CNTNAP2: variants seen among roughly 807,000 people sequenced by gnomAD.
CNTNAP2 encodes contactin-associated protein-like 2.
In CNTNAP2, 98 loss-of-function variants were observed where a neutral mutation model predicts 155.2. The ratio of observed to expected loss-of-function variants is 0.63; its 90% CI spans 0.54 to 0.75. The LOEUF (loss-of-function observed/expected upper bound fraction) is 0.75. CNTNAP2 is among the 30% of genes least tolerant of loss of function. The pLI, the probability that CNTNAP2 is intolerant of heterozygous loss-of-function variation, is 0.00. For synonymous variants in CNTNAP2, 651 were observed against 631.2 expected, an observed-to-expected ratio of 1.03 and a Z score of -0.47; for missense variants, 1,727 against 1,688.1, an observed-to-expected ratio of 1.02 and a Z score of -0.40.
At chr7:147,089,999 T>C (rs1800366789) in intron 4 of CNTNAP2, among the ~76,000 whole-genome samples, 1 of 152,178 alleles carries the variant, frequency 6.6e-6, no homozygotes, top group Non-Finnish European at 1.5e-5. Flanking sequence ...CAGCTTTCAC[T>C]TTATGTCTCT....
chr7:147,805,150 C>A (rs1798069937), intron 13 of CNTNAP2, among the ~76,000 whole-genome samples: 1 of 151,632 alleles, frequency 6.6e-6, no homozygotes, highest in African/African-American at 2.4e-5. Flanking sequence ...TGGCTCACTG[C>A]AACCTCCACC....
chr7:146,151,509 G>A (rs1409444945), intron 1 of CNTNAP2, among the ~76,000 whole-genome samples: 2 of 148,868 alleles, frequency 1.3e-5, no homozygotes, highest in African/African-American at 4.9e-5. Context: ...TCCTGTGCCT[G>A]GATTATTTCC....
intron 1 of CNTNAP2, among the ~76,000 whole-genome samples, chr7:146,131,853 T>C (rs755190689): frequency 2.6e-4 from 40 of 152,256 alleles, no homozygotes; most frequent in East Asian, 5.8e-4. Flanking sequence ...CCCCATGCTG[T>C]TCTCGTGATA....
At chr7:147,655,365 C>T (rs766364166) in intron 13 of CNTNAP2, among the ~76,000 whole-genome samples, 3 of 152,130 alleles carry the variant, frequency 2.0e-5, no homozygotes, top group Non-Finnish European at 4.4e-5. Context: ...TCAGGTGATC[C>T]GCCCATCTTG....
chr7:146,842,610 A>T (rs989400779), intron 3 of CNTNAP2, among the ~76,000 whole-genome samples: 3 of 152,088 alleles, frequency 2.0e-5, no homozygotes, highest in Non-Finnish European at 4.4e-5. Context: ...ACTTACTATC[A>T]TGGCAGAAGG....
At chr7:147,797,163 G>A (rs947519237) in intron 13 of CNTNAP2, among the ~76,000 whole-genome samples, 42 of 152,066 alleles carry the variant, frequency 2.8e-4, no homozygotes, top group South Asian at 1.7e-3. Context: ...TATAATTCTC[G>A]TTGAGGGAAC....
chr7:147,822,178 C>T lies in CNTNAP2; in HGVS notation c.2099-81387C>T, dbSNP rs918808871. ...GAATATGATGGAAAGTGGATGGACTCTCTATTTTATACTCACCTCCCCACC... is the reference window on the plus strand; with the variant it reads ...GAATATGATGGAAAGTGGATGGACTTTCTATTTTATACTCACCTCCCCACC... On this transcript the variant is annotated intron_variant, in intron 13 of 23. Coordinates refer to ENST00000361727, the MANE Select transcript of CNTNAP2 (RefSeq NM_014141.6). Among the ~76,000 whole-genome samples the T allele has an allele frequency of 2.2e-4, 33 of 151,920 alleles. 1 individual carries two copies. Among genetic ancestry groups the T allele is most frequent in the Admixed American group, 2.2e-3 (33 of 15,244 alleles).
At chr7:148,066,906 C>T (rs187103410) in intron 15 of CNTNAP2, among the ~76,000 whole-genome samples, 210 of 152,164 alleles carry the variant, frequency 1.4e-3, no homozygotes, top group Middle Eastern at 6.8e-3. Flanking sequence ...AACTTTCCAG[C>T]GTATTTTTCA....
At chr7:147,890,668 A>C (rs1799674515) in intron 13 of CNTNAP2, among the ~76,000 whole-genome samples, 1 of 152,200 alleles carries the variant, frequency 6.6e-6, no homozygotes, top group African/African-American at 2.4e-5. Flanking sequence ...AGAAGAACAT[A>C]GAATACATTA....
chr7:146,862,484 CA>C (rs1179708812), intron 3 of CNTNAP2, among the ~76,000 whole-genome samples: 3 of 151,534 alleles, frequency 2.0e-5, no homozygotes, highest in Non-Finnish European at 2.9e-5. Context: ...CATCTGGGCA[CA>C]AAAAAACAAA....
intron 17 of CNTNAP2, among the ~76,000 whole-genome samples, chr7:148,170,084 G>C (rs1425172182): frequency 6.6e-6 from 1 of 152,200 alleles, no homozygotes; most frequent in South Asian, 2.1e-4. Flanking sequence ...GAAAAAGGCT[G>C]TTCCCTAAAA....
intron 13 of CNTNAP2, among the ~76,000 whole-genome samples, chr7:147,878,539 A>G: frequency 6.6e-6 from 1 of 152,090 alleles, no homozygotes; most frequent in East Asian, 1.9e-4. Flanking sequence ...TTTTCTCTGA[A>G]AACTCAAGTT....
intron 8 of CNTNAP2, among the ~76,000 whole-genome samples, chr7:147,208,264 ATTAG>A (rs1282335488): frequency 6.6e-6 from 1 of 152,036 alleles, no homozygotes; most frequent in Non-Finnish European, 1.5e-5. Context: ...TCTGTCTTCT[ATTAG>A]TTCTGTTTTG....
At chr7:146,134,500 G>A (rs530425891) in intron 1 of CNTNAP2, among the ~76,000 whole-genome samples, 4 of 151,662 alleles carry the variant, frequency 2.6e-5, no homozygotes, top group Admixed American at 2.6e-4. Context: ...GTTTTCAAAG[G>A]GAATGCTTCC....
intron 2 of CNTNAP2, among the ~76,000 whole-genome samples, chr7:146,785,241 T>C (rs1028063167): frequency 5.3e-5 from 8 of 152,168 alleles, no homozygotes; most frequent in African/African-American, 1.9e-4. Flanking sequence ...CCCAAAGTGC[T>C]AGGATTACAG....
intron 21 of CNTNAP2, among the ~76,000 whole-genome samples, chr7:148,273,074 G>C (rs1033993697): frequency 6.6e-6 from 1 of 152,174 alleles, no homozygotes; most frequent in Non-Finnish European, 1.5e-5. Context: ...AACAATTAGA[G>C]CTTTTCAAAA....
intron 8 of CNTNAP2, among the ~76,000 whole-genome samples, chr7:147,170,260 T>A (rs1802200074): frequency 6.6e-6 from 1 of 151,998 alleles, no homozygotes; most frequent in African/African-American, 2.4e-5. Context: ...AGATGGTGCT[T>A]TAGAGCTATG....
chr7:147,687,506 GA>G (rs1796030251), intron 13 of CNTNAP2, among the ~76,000 whole-genome samples: 1 of 152,100 alleles, frequency 6.6e-6, no homozygotes, highest in South Asian at 2.1e-4. Flanking sequence ...GGAAAAGAAG[GA>G]GAGTGAATGA....
At chr7:147,079,752 TG>T (rs1584824014) in intron 4 of CNTNAP2, among the ~76,000 whole-genome samples, 1 of 152,030 alleles carries the variant, frequency 6.6e-6, no homozygotes, top group East Asian at 1.9e-4. Flanking sequence ...ATAATCTGTG[TG>T]CTATTAATAA....
Sources: allele counts gnomAD v4.1 joint callset (sites outside exome capture counted in the v4.1 genomes callset), GRCh38; gene constraint gnomAD v4.1.1; transcripts MANE v1.5; gene names NCBI Gene and HGNC (gene_info 2026-07-23, HGNC 2026-07-21).